Variants in TMEM132D observed in about 807,000 individuals in gnomAD.
TMEM132D encodes the protein mature OL transmembrane protein.
A neutral mutation model predicts 62.3 loss-of-function variants in TMEM132D; 21 were observed. The ratio of observed to expected loss-of-function variants is 0.34; its 90% confidence interval spans 0.24 to 0.49. TMEM132D has a LOEUF of 0.49. TMEM132D is among the 20% of genes least tolerant of loss of function. The pLI is 0.99. For synonymous variants in TMEM132D, 621 were observed against 575.6 expected (o/e 1.08, Z -1.13); for missense variants, 1,346 against 1,402.8 (o/e 0.96, Z 0.65).
chr12:129,134,126 G>GTGTGTC (rs62706563), intron 5 of TMEM132D, among the ~76,000 whole-genome samples: 2 of 142,076 alleles, frequency 1.4e-5, no homozygotes, highest in Non-Finnish European at 3.0e-5. Flanking sequence ...TTGTGTGTGT[G>GTGTGTC]TGTGTGTCTG....
chr12:129,253,176 A>G (rs1183958132), intron 4 of TMEM132D, among the ~76,000 whole-genome samples: 1 of 151,614 alleles, frequency 6.6e-6, no homozygotes, highest in African/African-American at 2.4e-5. Flanking sequence ...ATGTACCCTA[A>G]AACGTAAAGT....
intron 3 of TMEM132D, among the ~76,000 whole-genome samples, chr12:129,349,849 T>C (rs1869810937): frequency 6.6e-6 from 1 of 152,206 alleles, no homozygotes; most frequent in Non-Finnish European, 1.5e-5. Context: ...GCCTAAGGGC[T>C]TACGGAGCAA....
intron 3 of TMEM132D, 107 bp from the exon 4 acceptor site, chr12:129,337,924 G>C (rs1869346975): frequency 8.5e-7 from 1 of 1,175,270 alleles, no homozygotes; most frequent in Non-Finnish European, 1.2e-6. Context: ...CCTCCACATG[G>C]AACCAAGCGC....
chr12:129,359,586 A>G (rs140097215), intron 3 of TMEM132D, among the ~76,000 whole-genome samples: 98 of 152,358 alleles, frequency 6.4e-4, no homozygotes, highest in South Asian at 4.6e-3. Flanking sequence ...TATATGGCTC[A>G]CAGAGCCTGA....
chr12:129,707,283 T>G (rs547798462), intron 1 of TMEM132D, among the ~76,000 whole-genome samples: 1 of 149,592 alleles, frequency 6.7e-6, no homozygotes, highest in Non-Finnish European at 1.5e-5. Flanking sequence ...ATGTGATAGA[T>G]TGTTAAAAAA....
At chr12:129,432,583 T>G (rs940591727) in intron 3 of TMEM132D, among the ~76,000 whole-genome samples, 8 of 152,232 alleles carry the variant, frequency 5.3e-5, no homozygotes, top group African/African-American at 1.4e-4. Context: ...TATGTGACTC[T>G]GTAGTGTGAG....
At chr12:129,439,370 A>T (rs35681688) in intron 3 of TMEM132D, among the ~76,000 whole-genome samples, 8,383 of 152,242 alleles carry the variant, frequency 0.055, 322 homozygotes, top group Middle Eastern at 0.11. Context: ...TCAAGCATCA[A>T]CTATTCTATT....
intron 2 of TMEM132D, among the ~76,000 whole-genome samples, chr12:129,628,106 A>G (rs1879267576): frequency 6.6e-6 from 1 of 152,244 alleles, no homozygotes; most frequent in Non-Finnish European, 1.5e-5. Context: ...TTTGTTGATA[A>G]AATTCACTAG....
chr12:129,618,403 G>A (rs1444691815), intron 2 of TMEM132D, among the ~76,000 whole-genome samples: 1 of 152,192 alleles, frequency 6.6e-6, no homozygotes, highest in Non-Finnish European at 1.5e-5. Flanking sequence ...AAATTTACCT[G>A]ATGTGTTTGT....
At chr12:129,679,786 T>A (rs997289640) in intron 2 of TMEM132D, among the ~76,000 whole-genome samples, 4 of 152,090 alleles carry the variant, frequency 2.6e-5, no homozygotes, top group Non-Finnish European at 4.4e-5. Context: ...TAAAAAAAAA[T>A]TCCACCCACT....
At chr12:129,756,997 C>T (rs1870188652) in intron 1 of TMEM132D, among the ~76,000 whole-genome samples, 1 of 152,150 alleles carries the variant, frequency 6.6e-6, no homozygotes, top group African/African-American at 2.4e-5. Context: ...CCAACCAATG[C>T]TATTCCTTAA....
At chr12:129,121,729 A>G (rs1306210199) in intron 5 of TMEM132D, among the ~76,000 whole-genome samples, 1 of 152,210 alleles carries the variant, frequency 6.6e-6, no homozygotes, top group Non-Finnish European at 1.5e-5. Context: ...CAGCACACAG[A>G]CACAGAAAAT....
At chr12:129,138,927 A>C (rs751594553) in intron 5 of TMEM132D, among the ~76,000 whole-genome samples, 5 of 152,154 alleles carry the variant, frequency 3.3e-5, no homozygotes, top group Non-Finnish European at 5.9e-5. Context: ...TCCTGCCTTC[A>C]TTCTGATGAC....
chr12:129,497,439 T>C (rs1874993674), intron 3 of TMEM132D, among the ~76,000 whole-genome samples: 1 of 152,218 alleles, frequency 6.6e-6, no homozygotes, highest in Non-Finnish European at 1.5e-5. Flanking sequence ...AGCAATGCTG[T>C]TCCCTCCCTT....
At chr12:129,585,815 A>ATGTGTG (rs34364323) in intron 2 of TMEM132D, among the ~76,000 whole-genome samples, 1,694 of 147,724 alleles carry the variant, frequency 0.011, 76 homozygotes, top group Admixed American at 0.089. Flanking sequence ...ATATGCATGC[A>ATGTGTG]TGTGTGTGTG....
At chr12:129,757,196 T>C (rs1214312390) in intron 1 of TMEM132D, among the ~76,000 whole-genome samples, 2 of 152,132 alleles carry the variant, frequency 1.3e-5, no homozygotes, top group Non-Finnish European at 2.9e-5. Context: ...AGTTTTCATA[T>C]CAAAAAACAG....
intron 1 of TMEM132D, among the ~76,000 whole-genome samples, chr12:129,795,175 C>T (rs1164634383): frequency 6.6e-6 from 1 of 152,214 alleles, no homozygotes; most frequent in Non-Finnish European, 1.5e-5. Context: ...TTTCTTTCAT[C>T]CCTTCCAGGA....
At chr12:129,484,411 A>G (rs1386475007) in intron 3 of TMEM132D, among the ~76,000 whole-genome samples, 1 of 152,220 alleles carries the variant, frequency 6.6e-6, no homozygotes, top group South Asian at 2.1e-4. Flanking sequence ...GAGTAATTAA[A>G]TGTCTGCTCC....
At chr12:129,725,318 G>A (rs563653171) in intron 1 of TMEM132D, among the ~76,000 whole-genome samples, 1 of 152,264 alleles carries the variant, frequency 6.6e-6, no homozygotes, top group East Asian at 1.9e-4. Flanking sequence ...TACAGATAGT[G>A]TGCTAATAAG....
Sources: gnomAD v4.1 joint callset for allele counts (sites outside exome capture counted in the v4.1 genomes callset) on GRCh38, gnomAD v4.1.1 for gene constraint, MANE v1.5 for transcripts, NCBI Gene and HGNC (gene_info 2026-07-23, HGNC 2026-07-21) for gene names.